Variants in PCNT observed in about 807,000 individuals in gnomAD.
The protein encoded by PCNT is kendrin.
PCNT carries 319 observed loss-of-function variants against 380.4 expected under a neutral mutation model. That is an observed-to-expected ratio of 0.84 (90% confidence interval 0.77 to 0.92). The LOEUF (loss-of-function observed/expected upper bound fraction) is 0.92, where lower values mean the gene tolerates loss of function less well. Ranked by LOEUF, PCNT falls within the 40% of genes least tolerant of loss-of-function variation. PCNT has a pLI of 0.00. For synonymous variants in PCNT, 1,845 were observed against 1,735.2 expected, an observed-to-expected ratio of 1.06 and a Z score of -1.57; for missense variants, 4,400 against 4,255.3, an observed-to-expected ratio of 1.03 and a Z score of -0.95.
chr21:46,390,071 TC>T (rs2085979186), intron 19 of PCNT, among the ~76,000 whole-genome samples: 1 of 152,256 alleles, frequency 6.6e-6, no homozygotes, highest in Non-Finnish European at 1.5e-5. Flanking sequence ...CGGAGGGTCT[TC>T]CAGAGCCTCA....
At chr21:46,389,507 A>C in intron 19 of PCNT, 76 bp downstream of exon 19, 4 of 1,227,618 alleles carry the variant, frequency 3.3e-6, no homozygotes, top group Non-Finnish European at 4.7e-6. Context: ...AGCCTGGTGG[A>C]TGCCGGTGCC....
chr21:46,427,831 C>T (rs1410523665), intron 34 of PCNT, 36 bp downstream of exon 34: 2 of 1,608,342 alleles, frequency 1.2e-6, no homozygotes, highest in African/African-American at 1.3e-5. Context: ...CTCAGTTTGC[C>T]CCAGGGGTCC....
intron 3 of PCNT, among the ~76,000 whole-genome samples, chr21:46,336,771 G>T (rs1318754148): frequency 6.6e-6 from 1 of 152,018 alleles, no homozygotes; most frequent in African/African-American, 2.4e-5. Context: ...TAGTCTGTGT[G>T]TACACTCATA....
chr21:46,361,985 C>A (rs926447908), intron 13 of PCNT, among the ~76,000 whole-genome samples: 1 of 152,176 alleles, frequency 6.6e-6, no homozygotes, highest in African/African-American at 2.4e-5. Flanking sequence ...AGGTTGCATC[C>A]TGGACACTGT....
Position 46,343,845 on chromosome 21 carries a change from G to A in PCNT, c.640-2283G>A, listed in dbSNP as rs534005138. ...TTCTGTTTCTTCCTGGTCTAATCTC[G>A]AAGGGATGTATATTTCCAGGAATTT... is the stretch of plus-strand genomic sequence containing the variant. On this transcript the variant is annotated intron_variant, in intron 3 of 46. Transcript: ENST00000359568. Among the ~76,000 whole-genome samples, 51 of 152,110 alleles carry A rather than the reference G, an allele frequency of 3.4e-4. No individual in the cohort carries two copies. The South Asian group carries it at 0.01, about 31-fold the overall frequency.
rs143023746 is a variant in PCNT at position 46,363,891 on chromosome 21, G to T, written c.2566G>T (p.Val856Leu). The change falls in exon 14 of 47, where the codon GTG (valine) becomes TTG (leucine). Residue 856 changes from valine to leucine, a missense_variant. Physicochemically the swap from Val to Leu is conservative, Grantham distance 32. Coordinates refer to ENST00000359568, the MANE Select transcript of PCNT (RefSeq NM_006031.6). The part of the protein sequence containing the change: ...AQDGELAALH[V>L]KEDCALQLML... Reference sequence around the variant, plus strand: ...GGACGGGGAGCTTGCTGCGCTCCACGTGAAGGAAGACTGCGCCCTGCAGCT... The same window carrying T: ...GGACGGGGAGCTTGCTGCGCTCCACTTGAAGGAAGACTGCGCCCTGCAGCT... 3 of 1,611,824 alleles carry T rather than the reference G, an allele frequency of 1.9e-6. No homozygotes were observed. The highest frequency in any genetic ancestry group is 2.5e-6 in the Non-Finnish European group (3 of 1,179,606).
In PCNT at chr21:46,326,423, C is replaced by T. The variant is rs530493001; in HGVS notation, c.101C>T (p.Ser34Leu). 8.7e-6 allele frequency: 14 copies of T among 1,614,174 alleles called. No homozygotes were observed. Among genetic ancestry groups the T allele is most frequent in the Admixed American group, 1.7e-5 (1 of 60,014 alleles). ...AAAACAAAAGGTGACAGTTCGCATT[C>T]GGAGAAAAAGACGGCGAAGAGGAAG... Reference protein sequence around the residue: ...QRKTKGDSSHSEKKTAKRKGS... With the variant: ...QRKTKGDSSHLEKKTAKRKGS... Residue 34 changes from serine to leucine, a missense_variant, in exon 2 of 47, where the codon TCG becomes TTG. Physicochemically the swap from Ser to Leu is moderately radical, Grantham distance 145. Coordinates refer to ENST00000359568, the MANE Select transcript of PCNT (RefSeq NM_006031.6).
intron 43 of PCNT, 61 bp downstream of exon 43, chr21:46,441,145 C>G (rs1569312659): frequency 9.6e-7 from 1 of 1,040,570 alleles, no homozygotes; most frequent in East Asian, 2.4e-5. Flanking sequence ...GGGCAGCACA[C>G]TGCATGGTTT....
intron 16 of PCNT, among the ~76,000 whole-genome samples, chr21:46,384,192 G>A (rs2085726623): frequency 6.8e-6 from 1 of 146,596 alleles, no homozygotes; most frequent in Admixed American, 6.9e-5. Flanking sequence ...TCACGGTGTT[G>A]TGCGTTCAGT....
At chr21:46,372,268 A>G (rs1009925526) in intron 15 of PCNT, among the ~76,000 whole-genome samples, 2 of 151,482 alleles carry the variant, frequency 1.3e-5, no homozygotes, top group African/African-American at 2.4e-5. Context: ...GTGCACGTGT[A>G]GCACATGCAT....
intron 33 of PCNT, 98 bp downstream of exon 33, chr21:46,426,069 C>CTT (rs760416456): frequency 0.018 from 5,471 of 300,612 alleles, 46 homozygotes; most frequent in South Asian, 0.033. Context: ...GGATTTCTTT[C>CTT]TTTTTTTTTT....
chr21:46,421,248 G>A (rs970964284), intron 31 of PCNT, among the ~76,000 whole-genome samples: 5 of 152,196 alleles, frequency 3.3e-5, no homozygotes, highest in Non-Finnish European at 2.9e-5. Flanking sequence ...TGCAGCCTCC[G>A]CTCCCCAGGG....
intron 2 of PCNT, among the ~76,000 whole-genome samples, chr21:46,331,792 GC>G (rs2083569685): frequency 6.6e-6 from 1 of 151,996 alleles, no homozygotes; most frequent in South Asian, 2.1e-4. Flanking sequence ...TAAAAATAAA[GC>G]AATGGTAGAA....
intron 38 of PCNT, 129 bp from the exon 39 acceptor site, chr21:46,435,775 C>T: frequency 4.1e-6 from 4 of 977,862 alleles, no homozygotes; most frequent in South Asian, 2.7e-5. Context: ...ATCTCCTGAC[C>T]TCATGATCTG....
chr21:46,387,049 C>T (rs541926087), intron 17 of PCNT, among the ~76,000 whole-genome samples: 5 of 152,164 alleles, frequency 3.3e-5, no homozygotes, highest in Non-Finnish European at 7.4e-5. Context: ...CTTTGTGTCC[C>T]CACTCGAGGC....
intron 35 of PCNT, 125 bp downstream of exon 35, chr21:46,428,715 G>A (rs1287145172): frequency 1.2e-5 from 11 of 880,102 alleles, no homozygotes; most frequent in Non-Finnish European, 2.0e-5. Flanking sequence ...CCTGAGTGTT[G>A]CCATGGTTGT....
chr21:46,327,661 C>T (rs1188312039), intron 2 of PCNT, among the ~76,000 whole-genome samples: 1 of 152,214 alleles, frequency 6.6e-6, no homozygotes, highest in East Asian at 1.9e-4. Context: ...ACTGGGAGTT[C>T]TTCGTGTGTG....
chr21:46,346,677 T>C, intron 4 of PCNT, 66 bp from the exon 5 acceptor site: 2 of 1,535,962 alleles, frequency 1.3e-6, no homozygotes, highest in Non-Finnish European at 1.8e-6. Context: ...TTCATGCTTC[T>C]GTGTCTCCCT....
At position 46,441,087 on chromosome 21, in the gene PCNT, A is replaced by G. The variant is rs1601219073; in HGVS notation, c.9623+3A>G. 6.3e-7 allele frequency: 1 copy of G among 1,578,642 alleles called. No homozygotes were observed. Among genetic ancestry groups the G allele is most frequent in the Middle Eastern group, 1.7e-4 (1 of 5,996 alleles). On this transcript the variant is annotated splice_donor_region_variant and intron_variant, in intron 43 of 46. Transcript: ENST00000359568. ...AGGGTGGTCATTGCAATATTAAGGTAAATGCCATGACGTTCAGTCAGTGCG... is the reference window on the plus strand; with the variant it reads ...AGGGTGGTCATTGCAATATTAAGGTGAATGCCATGACGTTCAGTCAGTGCG...
Sources: allele counts gnomAD v4.1 joint callset (sites outside exome capture counted in the v4.1 genomes callset), GRCh38; gene constraint gnomAD v4.1.1; transcripts MANE v1.5; gene names NCBI Gene and HGNC (gene_info 2026-07-23, HGNC 2026-07-21).